Variants in TNS1 observed in about 807,000 individuals in gnomAD.
TNS1 encodes tensin-1.
Under a neutral mutation model 168.6 loss-of-function variants are expected in TNS1, and 62 were observed. The ratio of observed to expected loss-of-function variants is 0.37; its 90% CI spans 0.30 to 0.45. The LOEUF is 0.45. Ranked by LOEUF, TNS1 falls within the 20% of genes least tolerant of loss-of-function variation. The pLI is 1.00. For synonymous variants in TNS1, 934 were observed against 933.2 expected (o/e 1.00, Z -0.02); for missense variants, 2,240 against 2,339.4 (o/e 0.96, Z 0.88).
Position 217,817,679 on chromosome 2 carries a change from G to A in TNS1, c.4642+11C>T. The A allele has an allele frequency of 3.2e-6, 5 of 1,575,104 alleles. No individual in the cohort carries two copies. The highest frequency in any genetic ancestry group is 4.3e-6 in the Non-Finnish European group (5 of 1,155,660). ...GCAGGAGAGGTGAAAATGGAAGGGG[G>A]AGAGGCCCACCTGGCATGGAGTACT... On this transcript the variant is annotated intron_variant, in intron 24 of 32. Transcript: ENST00000682258.
intron 3 of TNS1, among the ~76,000 whole-genome samples, chr2:217,927,519 G>C (rs982930287): frequency 6.6e-6 from 1 of 152,134 alleles, no homozygotes; most frequent in African/African-American, 2.4e-5. Context: ...AGTAGGGTCT[G>C]GGGGAGCTGA....
At chr2:217,968,651 T>C (rs1372367245) in intron 3 of TNS1, among the ~76,000 whole-genome samples, 4 of 152,190 alleles carry the variant, frequency 2.6e-5, no homozygotes, top group South Asian at 4.1e-4. Context: ...AATATAAACA[T>C]ATCTCATGCT....
At chr2:217,885,217 G>A in intron 15 of TNS1, 53 bp from the exon 16 acceptor site, 1 of 1,610,598 alleles carries the variant, frequency 6.2e-7, no homozygotes, top group Non-Finnish European at 8.5e-7. Flanking sequence ...GGGAGGTCAG[G>A]TCCCAGGGAG....
At chr2:217,980,964 A>T (rs1269711569) in intron 2 of TNS1, among the ~76,000 whole-genome samples, 3 of 152,288 alleles carry the variant, frequency 2.0e-5, no homozygotes, top group East Asian at 3.9e-4. Flanking sequence ...CACTCAAATT[A>T]GAGTAGCTTT....
intron 3 of TNS1, among the ~76,000 whole-genome samples, chr2:217,930,645 G>A (rs991556943): frequency 6.6e-6 from 1 of 152,202 alleles, no homozygotes; most frequent in African/African-American, 2.4e-5. Context: ...AGGGAGCAGA[G>A]GAGAGAGATT....
At chr2:217,927,559 G>A (rs1956095685) in intron 3 of TNS1, among the ~76,000 whole-genome samples, 3 of 152,176 alleles carry the variant, frequency 2.0e-5, no homozygotes, top group South Asian at 4.1e-4. Context: ...AAGCAAGGAT[G>A]TATAGTCACA....
chr2:217,930,128 A>C (rs1956244778), intron 3 of TNS1, among the ~76,000 whole-genome samples: 1 of 152,202 alleles, frequency 6.6e-6, no homozygotes, highest in African/African-American at 2.4e-5. Context: ...GGCCAGAGAA[A>C]ATTACGTTCA....
intron 18 of TNS1, among the ~76,000 whole-genome samples, chr2:217,871,233 T>G (rs780602378): frequency 2.6e-5 from 4 of 152,196 alleles, no homozygotes; most frequent in African/African-American, 9.7e-5. Flanking sequence ...TCTCAGCCCT[T>G]TGTCCTATAT....
chr2:217,903,664 C>T, intron 6 of TNS1: 1 of 1,435,470 alleles, frequency 7.0e-7, no homozygotes, highest in Non-Finnish European at 9.5e-7. Flanking sequence ...GACAGCCTCC[C>T]AGACAGAGTG....
At chr2:217,917,656 C>A (rs1047424667) in intron 4 of TNS1, among the ~76,000 whole-genome samples, 1 of 151,840 alleles carries the variant, frequency 6.6e-6, no homozygotes, top group Non-Finnish European at 1.5e-5. Context: ...CCTAATGAAA[C>A]CCCATCTCTA....
chr2:217,819,731 A>G (rs1402910225), intron 23 of TNS1, among the ~76,000 whole-genome samples: 1 of 152,160 alleles, frequency 6.6e-6, no homozygotes, highest in Non-Finnish European at 1.5e-5. Flanking sequence ...CTCCTTCTAG[A>G]CCCAAATTTC....
intron 3 of TNS1, among the ~76,000 whole-genome samples, chr2:217,938,843 G>T (rs189447764): frequency 6.6e-6 from 1 of 152,184 alleles, no homozygotes; most frequent in African/African-American, 2.4e-5. Context: ...CCTCCGGAGG[G>T]CCGCTCAGCT....
At chr2:217,829,788 T>G (rs77903328) in intron 22 of TNS1, 1 of 143,856 alleles carries the variant, frequency 7.0e-6, no homozygotes, top group South Asian at 1.7e-4. Flanking sequence ...CAAGCCCTGC[T>G]TTGAAAAGCC....
chr2:217,883,835 CT>C (rs1950912241), intron 16 of TNS1, among the ~76,000 whole-genome samples: 1 of 152,192 alleles, frequency 6.6e-6, no homozygotes, highest in Non-Finnish European at 1.5e-5. Context: ...GATCTGGACC[CT>C]CCTCCAAGCC....
At chr2:217,862,251 G>A (rs1055108037) in intron 18 of TNS1, among the ~76,000 whole-genome samples, 3 of 151,800 alleles carry the variant, frequency 2.0e-5, no homozygotes, top group Admixed American at 6.6e-5. Context: ...AATACACTTC[G>A]TCTTACCATG....
chr2:217,922,528 C>G (rs1231175504), intron 3 of TNS1, among the ~76,000 whole-genome samples: 3 of 152,164 alleles, frequency 2.0e-5, no homozygotes, highest in African/African-American at 4.8e-5. Flanking sequence ...CCAGTCCCCT[C>G]CCTCACAGGA....
intron 3 of TNS1, among the ~76,000 whole-genome samples, chr2:217,978,360 G>T (rs1957945311): frequency 1.3e-5 from 2 of 152,130 alleles, no homozygotes; most frequent in Non-Finnish European, 2.9e-5. Flanking sequence ...AGGTTTTCTA[G>T]GTTGGCCAAA....
At chr2:217,838,478 A>G (rs888816618) in intron 19 of TNS1, among the ~76,000 whole-genome samples, 1 of 152,226 alleles carries the variant, frequency 6.6e-6, no homozygotes, top group Non-Finnish European at 1.5e-5. Context: ...GGCACGTGGG[A>G]GCATGTTCTG....
chr2:217,963,262 G>A (rs573612981), intron 3 of TNS1, among the ~76,000 whole-genome samples: 12 of 152,288 alleles, frequency 7.9e-5, no homozygotes, highest in East Asian at 1.9e-4. Flanking sequence ...CAGGGAACAC[G>A]GAAAACAGAA....
Sources: allele counts gnomAD v4.1 joint callset (sites outside exome capture counted in the v4.1 genomes callset), GRCh38; gene constraint gnomAD v4.1.1; transcripts MANE v1.5; gene names NCBI Gene and HGNC (gene_info 2026-07-23, HGNC 2026-07-21).